AFF4: variants seen among roughly 807,000 people sequenced by gnomAD.
The protein encoded by AFF4 is ALF transcription elongation factor 4, also known as AF4/FMR2 family member 4.
AFF4 carries 13 observed loss-of-function variants against 124.8 expected under a neutral mutation model. That is an observed-to-expected ratio of 0.10 (90% CI 0.07 to 0.17). AFF4 has a LOEUF of 0.17. Ranked by LOEUF, AFF4 falls within the 10% of genes least tolerant of loss-of-function variation. The pLI is 1.00. For missense variants in AFF4, 1,092 were observed against 1,403.8 expected (o/e 0.78, Z 3.55); for synonymous variants, 477 against 496.1 (o/e 0.96, Z 0.51).
At chr5:132,931,180 C>T (rs1248798735) in intron 4 of AFF4, among the ~76,000 whole-genome samples, 8 of 151,460 alleles carry the variant, frequency 5.3e-5, no homozygotes, top group Non-Finnish European at 8.8e-5. Flanking sequence ...TTTGGGAGGC[C>T]GGGCAGGAGG....
rs567367880 is a variant in AFF4, at chr5:132,918,277, C to T, written c.1050+8844G>A. Among the ~76,000 whole-genome samples, 163 of 151,978 alleles carry T rather than the reference C, an allele frequency of 1.1e-3. 1 individual carries two copies. The highest frequency in any genetic ancestry group is 1.9e-3 in the Non-Finnish European group (127 of 67,998). ...GTGTGGTGGCACTGGTCTGTAATCC[C>T]ACCTACTTAGAAGGCTGAGGCTACA... On this transcript the variant is annotated intron_variant, in intron 5 of 20. Transcript: ENST00000265343.
At position 132,896,398 on chromosome 5, in the gene AFF4, C is replaced by A. The variant is rs1300027412; in HGVS notation, c.2232G>T (p.Val744=). 1.2e-6 allele frequency: 2 copies of A among 1,613,540 alleles called. No individual in the cohort carries two copies. Among genetic ancestry groups the A allele is most frequent in the African/African-American group, 2.7e-5 (2 of 74,812 alleles). The change falls in exon 11 of 21, where the codon GTG becomes GTT. Residue 744 remains valine (V), a synonymous_variant. Coordinates refer to ENST00000265343, the MANE Select transcript of AFF4 (RefSeq NM_014423.4). The stretch of plus-strand genomic sequence containing the variant: ...GAGCCTCTCTCGTGTGCTTTTCTGG[C>A]ACATTTTTCTTTTCCCCCTTGGGCG... ...TEPPKGEKKN[V]PEKHTREAQK...
In AFF4 at chr5:132,903,316, A is replaced by G. The variant is rs73788223; in HGVS notation, c.1088-829T>C. 1.9e-3 allele frequency among the ~76,000 whole-genome samples: 290 copies of G among 152,340 alleles called. 1 individual carries two copies. Among genetic ancestry groups the G allele is most frequent in the African/African-American group, 6.6e-3 (274 of 41,582 alleles). On this transcript the variant is annotated intron_variant, in intron 6 of 20. Transcript: ENST00000265343. ...AGACAGATAAAGAAAGCATAACATC[A>G]AAAGAGGTATTCTTCTAGTTTTATC...
chr5:132,898,544 C>T, intron 9 of AFF4, 152 bp from the exon 10 acceptor site: 1 of 783,062 alleles, frequency 1.3e-6, no homozygotes, highest in Non-Finnish European at 2.0e-6. Context: ...AATGCAGTGG[C>T]ACGATCTCAG....
chr5:132,883,301 C>A, intron 20 of AFF4, 39 bp downstream of exon 20: 1 of 1,578,586 alleles, frequency 6.3e-7, no homozygotes. Flanking sequence ...TTCCTTCTAA[C>A]AATTCCATCC....
chr5:132,933,256 G>T (rs1204532679), intron 3 of AFF4, among the ~76,000 whole-genome samples: 2 of 152,096 alleles, frequency 1.3e-5, no homozygotes, highest in African/African-American at 4.8e-5. Context: ...AATTAGCCGG[G>T]CATGGTGGCA....
chr5:132,902,613 G>T (rs776476908), intron 6 of AFF4, 126 bp from the exon 7 acceptor site: 4 of 740,968 alleles, frequency 5.4e-6, no homozygotes, highest in African/African-American at 1.8e-5. Context: ...CACCAAACTG[G>T]TAACACCTTC....
chr5:132,930,950 A>C (rs1215099351), intron 4 of AFF4, among the ~76,000 whole-genome samples: 1 of 150,508 alleles, frequency 6.6e-6, no homozygotes, highest in African/African-American at 2.4e-5. Flanking sequence ...AAAAAAAAAA[A>C]AAAAAAATTA....
intron 1 of AFF4, among the ~76,000 whole-genome samples, chr5:132,954,572 G>C (rs942204225): frequency 3.4e-5 from 4 of 117,232 alleles, no homozygotes; most frequent in African/African-American, 1.1e-4. Flanking sequence ...TTTTGAGACG[G>C]AGTCTCGCTC....
chr5:132,887,688 A>G (rs1182300922), intron 16 of AFF4, 96 bp from the exon 17 acceptor site: 3 of 1,515,626 alleles, frequency 2.0e-6, no homozygotes, highest in East Asian at 4.5e-5. Context: ...TTCAAACCTA[A>G]ATAAAAGCAA....
chr5:132,942,613 C>T (rs143773896), intron 1 of AFF4, among the ~76,000 whole-genome samples: 32 of 152,192 alleles, frequency 2.1e-4, no homozygotes, highest in African/African-American at 7.5e-4. Flanking sequence ...TACAGGCATG[C>T]GCCACCATGC....
intron 1 of AFF4, 123 bp from the exon 2 acceptor site, chr5:132,937,316 G>T: frequency 1.7e-6 from 2 of 1,192,502 alleles, no homozygotes; most frequent in Non-Finnish European, 2.3e-6. Flanking sequence ...GTAATAACAG[G>T]CATTAGTGCT....
At chr5:132,910,213 G>C (rs1263091029) in intron 5 of AFF4, among the ~76,000 whole-genome samples, 2 of 152,170 alleles carry the variant, frequency 1.3e-5, no homozygotes, top group African/African-American at 4.8e-5. Flanking sequence ...GAATCACATG[G>C]AACAGAGGGA....
At chr5:132,933,750 T>A (rs1385841150) in intron 3 of AFF4, among the ~76,000 whole-genome samples, 1 of 151,992 alleles carries the variant, frequency 6.6e-6, no homozygotes, top group East Asian at 1.9e-4. Context: ...ATCATAACCA[T>A]AAACCATCAC....
intron 1 of AFF4, chr5:132,944,027 A>T (rs540368864): frequency 6.5e-6 from 1 of 152,882 alleles, no homozygotes; most frequent in Non-Finnish European, 1.5e-5. Context: ...TTTGTTGTTC[A>T]TAATGTAAGA....
At chr5:132,916,232 C>A (rs1760906296) in intron 5 of AFF4, among the ~76,000 whole-genome samples, 2 of 94,186 alleles carry the variant, frequency 2.1e-5, no homozygotes, top group Non-Finnish European at 3.8e-5. Flanking sequence ...GAGTAAGATG[C>A]TGTCTCAAAA....
intron 7 of AFF4, among the ~76,000 whole-genome samples, chr5:132,900,004 TAG>T (rs1181827792): frequency 6.6e-6 from 1 of 152,124 alleles, no homozygotes. Flanking sequence ...AACAATCCAC[TAG>T]AGAGATATAA....
chr5:132,921,231 A>C (rs1175498366), intron 5 of AFF4, among the ~76,000 whole-genome samples: 1 of 152,182 alleles, frequency 6.6e-6, no homozygotes, highest in African/African-American at 2.4e-5. Flanking sequence ...AAAGAAGATA[A>C]GCAAATGGCA....
chr5:132,926,078 C>A, intron 5 of AFF4: 1 of 186,922 alleles, frequency 5.3e-6, no homozygotes, highest in Non-Finnish European at 1.1e-5. Context: ...CATGCAGTAA[C>A]ATGGACAGGT....
Sources: allele counts gnomAD v4.1 joint callset (sites outside exome capture counted in the v4.1 genomes callset), GRCh38; gene constraint gnomAD v4.1.1; transcripts MANE v1.5; gene names NCBI Gene and HGNC (gene_info 2026-07-23, HGNC 2026-07-21).